The following ERC1 variants were observed in gnomAD, a reference collection of about 807,000 sequenced individuals.
ERC1 encodes RAB6 interacting protein 2.
A neutral mutation model predicts 132.0 loss-of-function variants in ERC1; 56 were observed. The observed-to-expected ratio is 0.42, with a 90% confidence interval of 0.34 to 0.53. The LOEUF (loss-of-function observed/expected upper bound fraction) is 0.53. ERC1 is among the 20% of genes least tolerant of loss of function. ERC1 has a pLI of 0.03. For missense variants in ERC1, 1,202 were observed against 1,349.9 expected (o/e 0.89, Z 1.72); for synonymous variants, 478 against 476.1 (o/e 1.00, Z -0.05).
intron 7 of ERC1, among the ~76,000 whole-genome samples, chr12:1,140,659 CAAGTT>C (rs1489028055): frequency 6.6e-6 from 1 of 152,016 alleles, no homozygotes; most frequent in African/African-American, 2.4e-5. Flanking sequence ...AAAAATAAGA[CAAGTT>C]AAAGATGAGA....
At chr12:1,477,616 G>T (rs2094000677) in intron 18 of ERC1, among the ~76,000 whole-genome samples, 1 of 152,084 alleles carries the variant, frequency 6.6e-6, no homozygotes, top group Non-Finnish European at 1.5e-5. Context: ...TCCTTGATGG[G>T]TTTTTTTCTG....
chr12:1,429,872 G>A (rs1014467883), intron 17 of ERC1, among the ~76,000 whole-genome samples: 4 of 152,076 alleles, frequency 2.6e-5, no homozygotes, highest in African/African-American at 9.7e-5. Flanking sequence ...TAGTAGTTCG[G>A]GTGTATGTCA....
chr12:1,341,069 C>CTTTTTTTTTTTTTTT lies in ERC1; in HGVS notation c.2781-30736_2781-30722dup, dbSNP rs35902573. On this transcript the variant is annotated intron_variant, in intron 15 of 18. Transcript: ENST00000360905. ...AATGTCCACTTATTCTTTTCTTTTT[C>CTTTTTTTTTTTTTTT]TTTTTTTTTTTTTTTTTTTTTTTTT... Among the ~76,000 whole-genome samples, 125 of 63,136 alleles carry CTTTTTTTTTTTTTTT rather than the reference C, an allele frequency of 2.0e-3. 28 individuals are homozygous for CTTTTTTTTTTTTTTT. Among genetic ancestry groups the CTTTTTTTTTTTTTTT allele is most frequent in the Non-Finnish European group, 2.5e-3 (88 of 35,066 alleles). 41.4% of individuals were successfully genotyped at this position (63,136 alleles called of 152,430 possible).
At chr12:1,141,465 T>A (rs1279311928) in intron 7 of ERC1, among the ~76,000 whole-genome samples, 155 bp from the exon 8 acceptor site, 1 of 152,212 alleles carries the variant, frequency 6.6e-6, no homozygotes, top group African/African-American at 2.4e-5. Context: ...GTGAGCACAC[T>A]GGACTCTGAA....
Position 1,259,525 on chromosome 12 carries a change from T to C in ERC1, c.2488-3509T>C, listed in dbSNP as rs1320676697. On this transcript the variant is annotated intron_variant, in intron 13 of 18. Coordinates refer to ENST00000360905, the MANE Select transcript of ERC1 (RefSeq NM_178040.4). ...GGGTATCTCTTTCTTTCTTTCTTTTTTTTTTTTTTTTTTTTTGAGACGGAG... is the reference window on the plus strand; with the variant it reads ...GGGTATCTCTTTCTTTCTTTCTTTTCTTTTTTTTTTTTTTTTGAGACGGAG... Among the ~76,000 whole-genome samples, 84 of 141,730 alleles carry C rather than the reference T, an allele frequency of 5.9e-4. 2 individuals carry two copies. Among genetic ancestry groups the C allele is most frequent in the African/African-American group, 2.0e-3 (76 of 38,264 alleles). The allele number at this position is 141,730 out of a possible 152,430, so 93.0% of individuals were successfully genotyped here. A position where few individuals can be genotyped will look rare whatever the true frequency, so the allele number is the denominator to read the frequency against.
intron 12 of ERC1, among the ~76,000 whole-genome samples, chr12:1,214,919 C>T (rs1156838153): frequency 6.6e-6 from 1 of 152,146 alleles, no homozygotes; most frequent in Non-Finnish European, 1.5e-5. Flanking sequence ...AGCATTTAAC[C>T]TAGAGCTCTT....
Position 1,028,203 on chromosome 12 carries a change from C to T in ERC1, c.300C>T (p.Tyr100=), listed in dbSNP as rs138791726. ...TLGRSGGRLP[Y]GVRMTAMGSS... is the part of the protein sequence containing the mutation. ...GCCGTTCTGGGGGACGTCTGCCTTACGGTGTTCGGATGACTGCTATGGGTA... is the reference window on the plus strand; with the variant it reads ...GCCGTTCTGGGGGACGTCTGCCTTATGGTGTTCGGATGACTGCTATGGGTA... Residue 100 remains tyrosine, a synonymous_variant, in exon 2 of 19, where the codon TAC becomes TAT. Transcript: ENST00000360905. 2.1e-3 allele frequency: 3,444 copies of T among 1,614,166 alleles called. 6 individuals carry two copies. Among genetic ancestry groups the T allele is most frequent in the Non-Finnish European group, 2.7e-3 (3,215 of 1,180,036 alleles).
chr12:1,491,612 C>T lies in ERC1; in HGVS notation c.*1382C>T, dbSNP rs1165669633. On this transcript the variant is annotated 3_prime_UTR_variant, in exon 19 of 19. Coordinates refer to ENST00000360905, the MANE Select transcript of ERC1 (RefSeq NM_178040.4). ...CATGAGTTTGGGGGTCTCAGTCACC[C>T]GCTTGCCTGTAGGATTCCATTTGAT... 8.7e-6 allele frequency: 2 copies of T among 229,494 alleles called. No individual in the cohort carries two copies. The highest frequency in any genetic ancestry group is 4.4e-5 in the African/African-American group (2 of 45,060). 14.2% of individuals were successfully genotyped at this position (229,494 alleles called of 1,614,324 possible).
In ERC1 at chr12:1,446,454, C is replaced by G. The variant is rs115482742; in HGVS notation, c.3213+1704C>G. On this transcript the variant is annotated intron_variant, in intron 18 of 18. Transcript: ENST00000360905. ...CCCCCTATAGATTCAATCATACCAACAGAAGGCTAAAGAAAGGCACAGGTG... is the reference window on the plus strand; with the variant it reads ...CCCCCTATAGATTCAATCATACCAAGAGAAGGCTAAAGAAAGGCACAGGTG... Among the ~76,000 whole-genome samples the G allele has an allele frequency of 1.3e-3, 197 of 152,320 alleles. 1 individual carries two copies. The highest frequency in any genetic ancestry group is 3.9e-3 in the African/African-American group (161 of 41,566).
intron 8 of ERC1, among the ~76,000 whole-genome samples, chr12:1,145,170 C>A (rs1950234978): frequency 6.6e-6 from 1 of 152,024 alleles, no homozygotes; most frequent in South Asian, 2.1e-4. Flanking sequence ...GTGCTCGCCA[C>A]CACGCCCCAC....
chr12:1,255,022 C>A (rs1385802024), intron 13 of ERC1, among the ~76,000 whole-genome samples: 1 of 151,400 alleles, frequency 6.6e-6, no homozygotes, highest in Non-Finnish European at 1.5e-5. Context: ...TATACATGTG[C>A]CATGGTGAGT....
At chr12:1,405,702 C>CA (rs1014679716) in intron 16 of ERC1, among the ~76,000 whole-genome samples, 1 of 151,846 alleles carries the variant, frequency 6.6e-6, no homozygotes, top group African/African-American at 2.4e-5. Flanking sequence ...GACTCCATCT[C>CA]AAAAAAATTA....
intron 15 of ERC1, among the ~76,000 whole-genome samples, chr12:1,366,574 T>C (rs2086679211): frequency 6.6e-6 from 1 of 152,136 alleles, no homozygotes. Context: ...AGAAATGGGT[T>C]AAAAAATTGT....
At chr12:1,110,657 A>G (rs575591999) in intron 5 of ERC1, among the ~76,000 whole-genome samples, 6 of 152,202 alleles carry the variant, frequency 3.9e-5, no homozygotes, top group Admixed American at 6.5e-5. Flanking sequence ...TTTTCTCACT[A>G]TATGAAACAT....
chr12:1,487,160 C>T (rs897688244), intron 18 of ERC1, among the ~76,000 whole-genome samples: 1 of 152,168 alleles, frequency 6.6e-6, no homozygotes, highest in African/African-American at 2.4e-5. Context: ...TCATGTGACA[C>T]AGCCAGAGTT....
chr12:1,139,667 T>A (rs1949684839), intron 7 of ERC1, among the ~76,000 whole-genome samples: 1 of 152,012 alleles, frequency 6.6e-6, no homozygotes, highest in Non-Finnish European at 1.5e-5. Flanking sequence ...AGAAAACTGT[T>A]TAATTCAGAA....
At chr12:1,035,829 G>C (rs1187983705) in intron 2 of ERC1, among the ~76,000 whole-genome samples, 1 of 152,038 alleles carries the variant, frequency 6.6e-6, no homozygotes, top group African/African-American at 2.4e-5. Context: ...GGCTGAGGCA[G>C]GAGAATGGCG....
chr12:992,159 C>A (rs1458485605), intron 1 of ERC1, among the ~76,000 whole-genome samples: 1 of 152,008 alleles, frequency 6.6e-6, no homozygotes. Context: ...GTGGTGTCTT[C>A]CAGTTTTTTT....
rs574355380 is a variant in ERC1 at position 1,484,049 on chromosome 12, T to G, written c.3214-6044T>G. Among the ~76,000 whole-genome samples the G allele has an allele frequency of 1.2e-4, 17 of 138,800 alleles. 2 individuals are homozygous for G. In the East Asian group the frequency reaches 1.3e-3, roughly 11 times the overall value. 91.1% of individuals were successfully genotyped at this position (138,800 alleles called of 152,430 possible). On this transcript the variant is annotated intron_variant, in intron 18 of 18. Transcript: ENST00000360905. ...AGCCGGGCGTGGTGGCTCACGCCTG[T>G]AATCCCAGCACTTTGGGAGGCTGAG...
Sources: gnomAD v4.1 joint callset for allele counts (sites outside exome capture counted in the v4.1 genomes callset) on GRCh38, gnomAD v4.1.1 for gene constraint, MANE v1.5 for transcripts, NCBI Gene and HGNC (gene_info 2026-07-23, HGNC 2026-07-21) for gene names.